ELAPOR2: variants seen among roughly 807,000 people sequenced by gnomAD.
ELAPOR2 encodes endosome-lysosome associated apoptosis and autophagy regulator family member 2.
In ELAPOR2, 89 loss-of-function variants were observed where a neutral mutation model predicts 120.7. The ratio of observed to expected loss-of-function variants is 0.74; its 90% CI spans 0.62 to 0.88. ELAPOR2 has a LOEUF of 0.88. ELAPOR2 is among the 40% of genes least tolerant of loss of function. The pLI is 0.00. For missense variants in ELAPOR2, 1,134 were observed against 1,251.6 expected, an observed-to-expected ratio of 0.91 and a Z score of 1.42; for synonymous variants, 444 against 444.9, an observed-to-expected ratio of 1.00 and a Z score of 0.03.
intron 1 of ELAPOR2, among the ~76,000 whole-genome samples, chr7:87,038,814 A>G (rs1378784694): frequency 6.6e-6 from 1 of 152,076 alleles, no homozygotes; most frequent in African/African-American, 2.4e-5. Context: ...GTTTATAGCT[A>G]TAAGTGTCTA....
At chr7:87,011,995 T>G (rs1339337324) in intron 1 of ELAPOR2, among the ~76,000 whole-genome samples, 1 of 152,216 alleles carries the variant, frequency 6.6e-6, no homozygotes, top group Admixed American at 6.5e-5. Context: ...TGATACCATT[T>G]GAACAGTAAC....
chr7:87,021,953 C>T (rs796411746), intron 1 of ELAPOR2, among the ~76,000 whole-genome samples: 9 of 152,228 alleles, frequency 5.9e-5, no homozygotes, highest in South Asian at 2.1e-4. Flanking sequence ...TGTGATATAT[C>T]TCTATTTAGG....
chr7:86,926,294 G>A (rs565967298), intron 9 of ELAPOR2, among the ~76,000 whole-genome samples: 235 of 152,034 alleles, frequency 1.5e-3, no homozygotes, highest in Non-Finnish European at 2.7e-3. Context: ...AAAAGGAGTA[G>A]GGAAAGAAAA....
chr7:86,940,148 G>T, intron 5 of ELAPOR2, 33 bp from the exon 6 acceptor site: 1 of 1,360,380 alleles, frequency 7.4e-7, no homozygotes, highest in Non-Finnish European at 1.0e-6. Context: ...ACTTAGGGCA[G>T]ATAAGCCATG....
chr7:87,049,943 G>T (rs1003189749), intron 1 of ELAPOR2, among the ~76,000 whole-genome samples: 1 of 152,164 alleles, frequency 6.6e-6, no homozygotes, highest in Non-Finnish European at 1.5e-5. Context: ...GCAGGAATAG[G>T]TTCCTTATAA....
At chr7:86,943,430 T>C (rs1443881941) in intron 4 of ELAPOR2, among the ~76,000 whole-genome samples, 1 of 152,012 alleles carries the variant, frequency 6.6e-6, no homozygotes, top group Non-Finnish European at 1.5e-5. Flanking sequence ...CTACAAACAC[T>C]TTCTTTCCAT....
rs1799210866 is a variant in ELAPOR2, at chr7:86,877,458, T to C, written c.*3013A>G. The C allele has an allele frequency of 6.6e-6, 1 of 152,216 alleles. No individual in the cohort carries two copies. Among genetic ancestry groups the C allele is most frequent in the Admixed American group, 6.6e-5 (1 of 15,266 alleles). The allele number at this position is 152,216 out of a possible 1,614,324, so 9.4% of individuals were successfully genotyped here. On this transcript the variant is annotated 3_prime_UTR_variant, in exon 22 of 22. Coordinates refer to ENST00000450689, the MANE Select transcript of ELAPOR2 (RefSeq NM_001142749.3). ...AGGTTTAGTTTCTCTGAAGATCAACTCTACATACTCTTAGTGTACAAAGAT... is the reference window on the plus strand; with the variant it reads ...AGGTTTAGTTTCTCTGAAGATCAACCCTACATACTCTTAGTGTACAAAGAT...
rs1414163019 is a variant in ELAPOR2, at chr7:86,914,804, T to C, written c.1650A>G (p.Lys550=). 6.2e-7 allele frequency: 1 copy of C among 1,612,716 alleles called. No homozygotes were observed. The highest frequency in any genetic ancestry group is 2.2e-5 in the East Asian group (1 of 44,776). ...TGAAGATGATATGGGTGTAAGCTTGTTTTTCTTTGGTTCCACCCCACGATT... is the reference window on the plus strand; with the variant it reads ...TGAAGATGATATGGGTGTAAGCTTGCTTTTCTTTGGTTCCACCCCACGATT... ...VVESWGGTKE[K]QAYTHIIFKN... is the part of the protein sequence containing the mutation. Residue 550 remains lysine, a synonymous_variant, in exon 13 of 22, where the codon AAA becomes AAG. Transcript: ENST00000450689.
chr7:87,053,500 T>C (rs1795176740), intron 1 of ELAPOR2, among the ~76,000 whole-genome samples: 1 of 152,098 alleles, frequency 6.6e-6, no homozygotes, highest in South Asian at 2.1e-4. Context: ...TCCAGGTAAA[T>C]GCAGACCTGT....
At chr7:86,916,947 GC>G (rs1298458567) in intron 12 of ELAPOR2, among the ~76,000 whole-genome samples, 1 of 149,178 alleles carries the variant, frequency 6.7e-6, no homozygotes, top group Non-Finnish European at 1.5e-5. Flanking sequence ...CGCCATTGTG[GC>G]CAGCTAATTT....
intron 1 of ELAPOR2, among the ~76,000 whole-genome samples, chr7:87,056,613 T>A (rs568636663): frequency 5.4e-4 from 82 of 152,334 alleles, no homozygotes; most frequent in African/African-American, 1.9e-3. Flanking sequence ...TTCGACTTCA[T>A]AATCCAAAGA....
intron 8 of ELAPOR2, among the ~76,000 whole-genome samples, chr7:86,932,866 C>T (rs1436548264): frequency 4.6e-5 from 7 of 151,858 alleles, no homozygotes; most frequent in Non-Finnish European, 1.0e-4. Context: ...GTTTCTTTCA[C>T]ACAAATAAAT....
chr7:87,041,237 C>T (rs540799363), intron 1 of ELAPOR2, among the ~76,000 whole-genome samples: 94 of 152,048 alleles, frequency 6.2e-4, no homozygotes, highest in Non-Finnish European at 1.0e-3. Context: ...GGCAGGCCAA[C>T]GTTCAGATTC....
chr7:86,902,092 C>G (rs1788752600), intron 18 of ELAPOR2, among the ~76,000 whole-genome samples: 1 of 152,190 alleles, frequency 6.6e-6, no homozygotes, highest in Non-Finnish European at 1.5e-5. Context: ...GGCTTGCTCT[C>G]TGCTTCATAG....
intron 1 of ELAPOR2, among the ~76,000 whole-genome samples, chr7:87,047,650 C>G (rs778652950): frequency 5.3e-5 from 8 of 152,134 alleles, no homozygotes. Flanking sequence ...GTTAAAATGA[C>G]TATCCAAAAG....
intron 1 of ELAPOR2, among the ~76,000 whole-genome samples, chr7:87,028,296 A>G (rs2116723545): frequency 6.6e-6 from 1 of 152,240 alleles, no homozygotes; most frequent in East Asian, 1.9e-4. Context: ...CTTGCTAAAT[A>G]AAAACACCTG....
At chr7:86,983,766 A>T (rs1450685204) in intron 1 of ELAPOR2, among the ~76,000 whole-genome samples, 3 of 152,238 alleles carry the variant, frequency 2.0e-5, no homozygotes, top group African/African-American at 7.2e-5. Context: ...TGCTAGGAAG[A>T]AACTGCATCA....
chr7:87,045,777 A>T (rs1794935009), intron 1 of ELAPOR2, among the ~76,000 whole-genome samples: 1 of 151,244 alleles, frequency 6.6e-6, no homozygotes, highest in African/African-American at 2.4e-5. Context: ...AATAAATAAA[A>T]AATATATATA....
At chr7:86,888,340 C>T (rs943688688) in intron 21 of ELAPOR2, among the ~76,000 whole-genome samples, 4 of 152,038 alleles carry the variant, frequency 2.6e-5, no homozygotes, top group African/African-American at 9.7e-5. Flanking sequence ...TGGAAAGAGA[C>T]AACAACACAG....
Sources: gnomAD v4.1 joint callset for allele counts (sites outside exome capture counted in the v4.1 genomes callset) on GRCh38, gnomAD v4.1.1 for gene constraint, MANE v1.5 for transcripts, NCBI Gene and HGNC (gene_info 2026-07-23, HGNC 2026-07-21) for gene names.